Variants in S100Z observed in about 807,000 individuals in gnomAD.
S100Z encodes the protein S100 calcium binding protein Z, also known as protein S100-Z.
A neutral mutation model predicts 8.5 loss-of-function variants in S100Z; 11 were observed. That is an observed-to-expected ratio of 1.30 (90% confidence interval 0.82 to 2.15). The LOEUF (loss-of-function observed/expected upper bound fraction) is 2.15, where lower values mean the gene tolerates loss of function less well. Ranked by LOEUF, S100Z falls within the 30% of genes most tolerant of loss-of-function variation. The probability of loss-of-function intolerance (pLI) is 0.00; values close to 1 mark genes in which losing one functional copy is unlikely to be tolerated. For synonymous variants in S100Z, 34 were observed against 43.8 expected (o/e 0.78, Z 0.89); for missense variants, 126 against 117.9 (o/e 1.07, Z -0.32).
intron 1 of S100Z, among the ~76,000 whole-genome samples, chr5:76,857,636 C>A (rs1750923449): frequency 6.6e-6 from 1 of 151,800 alleles, no homozygotes; most frequent in Admixed American, 6.6e-5. Context: ...GTAGTTGGAA[C>A]TACCGGCATG....
chr5:76,867,397 C>G (rs1400279407), intron 1 of S100Z, among the ~76,000 whole-genome samples: 1 of 152,170 alleles, frequency 6.6e-6, no homozygotes, highest in African/African-American at 2.4e-5. Context: ...GTTCCTGGCT[C>G]AGACACTCTG....
intron 4 of S100Z, among the ~76,000 whole-genome samples, chr5:76,903,527 G>C (rs1397349427): frequency 6.6e-6 from 1 of 152,054 alleles, no homozygotes; most frequent in African/African-American, 2.4e-5. Context: ...TTTTCATATG[G>C]ATGTAAATTT....
At chr5:76,923,742 G>C (rs1745088044), downstream of S100Z, among the ~76,000 whole-genome samples, 1 of 152,216 alleles carries the variant, frequency 6.6e-6, no homozygotes, top group African/African-American at 2.4e-5. Context: ...ATTAATGTCT[G>C]TGGACCGGCA....
rs868686677 is a variant in S100Z, at chr5:76,894,319, T to C, written c.*2+16485T>C. Among the ~76,000 whole-genome samples, 10 of 152,326 alleles carry C rather than the reference T, an allele frequency of 6.6e-5. No individual in the cohort carries two copies. In the Middle Eastern group the frequency reaches 0.014, roughly 207 times the overall value. On this transcript the variant is annotated intron_variant, in intron 4 of 4. Transcript: ENST00000317593. ...CAATGTATTTCTTAAATGTATTTGA[T>C]TGATGTCTCATGCTTCCCTAAAATG...
chr5:76,861,572 C>T lies in S100Z; in HGVS notation c.-175-8594C>T, dbSNP rs769982813. Among the ~76,000 whole-genome samples, 142 of 152,304 alleles carry T rather than the reference C, an allele frequency of 9.3e-4. 1 individual carries two copies. The highest frequency in any genetic ancestry group is 1.6e-3 in the Admixed American group (24 of 15,300). On this transcript the variant is annotated intron_variant, in intron 1 of 4. Transcript: ENST00000317593. Reference sequence around the variant, plus strand: ...CAGGCTGGTCTCGAACTCCTGACCTCAGGTGATCTACCCACCTCAGCCTCC... The same window carrying T: ...CAGGCTGGTCTCGAACTCCTGACCTTAGGTGATCTACCCACCTCAGCCTCC...
the S100Z span, among the ~76,000 whole-genome samples, chr5:76,941,717 C>G: frequency 9.8e-6 from 1 of 101,838 alleles, no homozygotes; most frequent in African/African-American, 4.2e-5. Flanking sequence ...CTCCACCCCT[C>G]CCTTCCCCCT....
intron 1 of S100Z, among the ~76,000 whole-genome samples, chr5:76,852,480 G>A (rs890152508): frequency 6.6e-6 from 1 of 152,058 alleles, no homozygotes; most frequent in Admixed American, 6.6e-5. Context: ...GGAAGCTGAG[G>A]TGGGTGGATT....
chr5:76,862,564 C>T (rs566398881), intron 1 of S100Z, among the ~76,000 whole-genome samples: 6 of 152,054 alleles, frequency 3.9e-5, no homozygotes, highest in South Asian at 2.1e-4. Context: ...TTTGGGAGGC[C>T]GAGGCAGGTG....
chr5:76,924,728 G>A (rs1301295330), downstream of S100Z, among the ~76,000 whole-genome samples: 1 of 152,116 alleles, frequency 6.6e-6, no homozygotes, highest in African/African-American at 2.4e-5. Flanking sequence ...TGGCCAACAT[G>A]GTGAAACCCC....
chr5:76,853,736 G>A (rs1750796785), intron 1 of S100Z, among the ~76,000 whole-genome samples: 1 of 151,828 alleles, frequency 6.6e-6, no homozygotes, highest in Non-Finnish European at 1.5e-5. Flanking sequence ...GGCAGAGATT[G>A]CAGTCAGCTG....
chr5:76,899,149 G>A (rs1328734591), intron 4 of S100Z, among the ~76,000 whole-genome samples: 1 of 151,874 alleles, frequency 6.6e-6, no homozygotes, highest in Non-Finnish European at 1.5e-5. Flanking sequence ...CTCCAGGCTG[G>A]CCTTGAACTC....
At chr5:76,940,106 G>A in the S100Z span, among the ~76,000 whole-genome samples, 2 of 143,232 alleles carry the variant, frequency 1.4e-5, no homozygotes, top group African/African-American at 5.2e-5. Flanking sequence ...GCAGTGAGCC[G>A]AGATCATGCC....
intron 4 of S100Z, among the ~76,000 whole-genome samples, chr5:76,902,112 CCT>C (rs1744250219): frequency 6.6e-6 from 1 of 152,000 alleles, no homozygotes; most frequent in South Asian, 2.1e-4. Flanking sequence ...TCCACTCTTC[CCT>C]CTCTTCTCTT....
chr5:76,914,379 C>CACCAATCAGCACTCTGTAAAAACGG (rs59153370), intron 4 of S100Z, among the ~76,000 whole-genome samples: 81,034 of 127,112 alleles, frequency 0.64, 26,813 homozygotes, highest in African/African-American at 0.76. Flanking sequence ...TTTGTAAACA[C>CACCAATCAGCACTCTGTAAAAACGG]ACCAATCAGC....
chr5:76,901,374 G>C (rs973192864), intron 4 of S100Z, among the ~76,000 whole-genome samples: 2 of 152,180 alleles, frequency 1.3e-5, no homozygotes, highest in African/African-American at 4.8e-5. Context: ...TCAGGGACTA[G>C]AGTAAAAAAC....
At chr5:76,920,601 G>A (rs1745007064) in intron 4 of S100Z, 116 bp from the exon 5 acceptor site, 2 of 152,330 alleles carry the variant, frequency 1.3e-5, no homozygotes, top group South Asian at 4.1e-4. Flanking sequence ...TCACAGCAGA[G>A]TGGTAGATAA....
At chr5:76,915,304 CAA>C (rs60682268) in intron 4 of S100Z, among the ~76,000 whole-genome samples, 10 of 103,604 alleles carry the variant, frequency 9.7e-5, no homozygotes, top group African/African-American at 1.2e-4. Flanking sequence ...GACTCCATCT[CAA>C]AAAAAAAAAA....
At chr5:76,923,958 A>G (rs1334277219), downstream of S100Z, among the ~76,000 whole-genome samples, 1 of 152,208 alleles carries the variant, frequency 6.6e-6, no homozygotes, top group Non-Finnish European at 1.5e-5. Flanking sequence ...CCCAAAGCAT[A>G]GGATGAGGCT....
At chr5:76,923,028 T>A (rs962430358), downstream of S100Z, among the ~76,000 whole-genome samples, 397 of 128,136 alleles carry the variant, frequency 3.1e-3, no homozygotes, top group South Asian at 6.0e-3. Context: ...AAAAAAAAAA[T>A]GGGCTTCTAA....
Sources: gnomAD v4.1 joint callset for allele counts (sites outside exome capture counted in the v4.1 genomes callset) on GRCh38, gnomAD v4.1.1 for gene constraint, MANE v1.5 for transcripts, NCBI Gene and HGNC (gene_info 2026-07-23, HGNC 2026-07-21) for gene names.